The following C1QTNF3 variants were observed in gnomAD, a reference collection of about 807,000 sequenced individuals.
C1QTNF3 encodes the protein complement C1q tumor necrosis factor-related protein 3.
A neutral mutation model predicts 32.6 loss-of-function variants in C1QTNF3; 26 were observed. That is an observed-to-expected ratio of 0.80 (90% CI 0.58 to 1.11). The LOEUF is 1.11. Ranked by LOEUF, C1QTNF3 falls within the 50% of genes least tolerant of loss-of-function variation. C1QTNF3 has a pLI of 0.00. For missense variants in C1QTNF3, 362 were observed against 398.2 expected (o/e 0.91, Z 0.77); for synonymous variants, 155 against 146.0 (o/e 1.06, Z -0.44).
At chr5:34,164,303 T>C in the C1QTNF3 span, among the ~76,000 whole-genome samples, 1 of 152,108 alleles carries the variant, frequency 6.6e-6, no homozygotes, top group Admixed American at 6.6e-5. Flanking sequence ...ACGAGATATT[T>C]TGCACTCGAA....
At chr5:34,096,331 CTG>C in the C1QTNF3 span, among the ~76,000 whole-genome samples, 2 of 147,880 alleles carry the variant, frequency 1.4e-5, no homozygotes, top group Non-Finnish European at 3.0e-5. Flanking sequence ...GGGAAGATAG[CTG>C]ATGCTACAAA....
chr5:34,178,104 TAAAAAAA>T, the C1QTNF3 span, among the ~76,000 whole-genome samples: 790 of 76,504 alleles, frequency 0.01, 12 homozygotes, highest in African/African-American at 0.041. Flanking sequence ...TCATCTCTAC[TAAAAAAA>T]AAAAAAAAAA....
the C1QTNF3 span, among the ~76,000 whole-genome samples, chr5:34,226,216 C>T: frequency 6.6e-6 from 1 of 151,898 alleles, no homozygotes; most frequent in Non-Finnish European, 1.5e-5. Context: ...ATTGCTCCTT[C>T]ACCCTACAAA....
the C1QTNF3 span, among the ~76,000 whole-genome samples, chr5:34,137,612 C>T: frequency 6.6e-6 from 1 of 152,184 alleles, no homozygotes; most frequent in African/African-American, 2.4e-5. Context: ...AAATGATTTT[C>T]TAAGTCTTTG....
the C1QTNF3 span, among the ~76,000 whole-genome samples, chr5:34,170,444 T>C: frequency 5.3e-5 from 8 of 152,256 alleles, no homozygotes; most frequent in African/African-American, 1.2e-4. Context: ...ACCACACACA[T>C]ACACACATAA....
the C1QTNF3 span, among the ~76,000 whole-genome samples, chr5:34,174,840 T>G: frequency 6.6e-6 from 1 of 151,738 alleles, no homozygotes; most frequent in Admixed American, 6.6e-5. Flanking sequence ...CCTGGGTTCA[T>G]GCCATTTCCT....
At chr5:34,153,738 G>T in the C1QTNF3 span, among the ~76,000 whole-genome samples, 1 of 105,982 alleles carries the variant, frequency 9.4e-6, no homozygotes, top group Non-Finnish European at 1.9e-5. Context: ...GATAGCATTG[G>T]GAGATATACC....
chr5:34,025,261 A>G lies in C1QTNF3; in HGVS notation c.701-1253T>C, dbSNP rs561563703. On this transcript the variant is annotated intron_variant, in intron 4 of 5. Transcript: ENST00000382065. The stretch of plus-strand genomic sequence containing the variant: ...TTTTTCACATTTTACAAAATTTCCT[A>G]TTAGACACATACACACACATAATTT... Among the ~76,000 whole-genome samples the G allele has an allele frequency of 7.2e-5, 11 of 152,370 alleles. No individual in the cohort carries two copies. In the East Asian group the frequency reaches 1.9e-3, roughly 27 times the overall value.
the C1QTNF3 span, among the ~76,000 whole-genome samples, chr5:34,227,687 G>A: frequency 2.0e-5 from 3 of 151,752 alleles, no homozygotes; most frequent in African/African-American, 4.8e-5. Flanking sequence ...CATTCTACTG[G>A]CAATGGGTTA....
chr5:34,050,228 C>A, the C1QTNF3 span, among the ~76,000 whole-genome samples: 1 of 152,170 alleles, frequency 6.6e-6, no homozygotes, highest in Non-Finnish European at 1.5e-5. Flanking sequence ...GTTCCATAGA[C>A]CTCTCCACCC....
At position 34,036,013 on chromosome 5, in the gene C1QTNF3, T is replaced by C. The variant is rs1441619485; in HGVS notation, c.304-255A>G. On this transcript the variant is annotated intron_variant, in intron 1 of 5. Transcript: ENST00000382065. ...TCTTTGAAAAGCGTGTGGGTGGGGG[T>C]GGGAAGTTGGGTCCTATTTCTGGAA... Among the ~76,000 whole-genome samples the C allele has an allele frequency of 3.1e-5, 4 of 128,752 alleles. No individual in the cohort carries two copies. The East Asian group carries it at 9.5e-4, about 31-fold the overall frequency. 84.5% of individuals were successfully genotyped at this position (128,752 alleles called of 152,430 possible). A position where few individuals can be genotyped will look rare whatever the true frequency, so the allele number is the denominator to read the frequency against.
At chr5:34,089,409 C>A in the C1QTNF3 span, among the ~76,000 whole-genome samples, 4 of 151,996 alleles carry the variant, frequency 2.6e-5, no homozygotes, top group Admixed American at 2.6e-4. Context: ...GTGATTAGGT[C>A]ATGGGGGCAT....
At chr5:34,160,214 T>G in the C1QTNF3 span, among the ~76,000 whole-genome samples, 1 of 152,116 alleles carries the variant, frequency 6.6e-6, no homozygotes, top group Admixed American at 6.6e-5. Flanking sequence ...ATTTGCAAAG[T>G]TGCATTAAGT....
At chr5:34,165,624 TGAA>T in the C1QTNF3 span, 1 of 152,082 alleles carries the variant, frequency 6.6e-6, no homozygotes, top group Non-Finnish European at 1.5e-5. Context: ...TATTTTTAAA[TGAA>T]GAAGTCTTTT....
At chr5:34,211,851 G>A in the C1QTNF3 span, among the ~76,000 whole-genome samples, 7 of 152,112 alleles carry the variant, frequency 4.6e-5, no homozygotes, top group African/African-American at 1.7e-4. Context: ...TAGATTAAAT[G>A]CCATCCCCAT....
intron 1 of C1QTNF3, among the ~76,000 whole-genome samples, chr5:34,036,316 G>A (rs899819296): frequency 1.1e-4 from 17 of 152,188 alleles, no homozygotes; most frequent in South Asian, 8.3e-4. Context: ...CTTAGAAAAC[G>A]AAGGAAATAA....
chr5:34,115,318 CA>C, the C1QTNF3 span, among the ~76,000 whole-genome samples: 5 of 152,066 alleles, frequency 3.3e-5, no homozygotes, highest in African/African-American at 1.2e-4. Flanking sequence ...ATTCATTTAA[CA>C]AATGTCTGCT....
At chr5:34,042,784 A>C in intron 1 of C1QTNF3, 39 bp downstream of exon 1, 1 of 1,565,508 alleles carries the variant, frequency 6.4e-7, no homozygotes, top group Middle Eastern at 1.9e-4. Flanking sequence ...AACACTCATT[A>C]AGCTTTCACA....
chr5:34,221,639 T>C, the C1QTNF3 span, among the ~76,000 whole-genome samples: 2 of 152,064 alleles, frequency 1.3e-5, no homozygotes, highest in Non-Finnish European at 2.9e-5. Flanking sequence ...AAGAGAAAAC[T>C]GTGGTGTTTA....
Sources: gnomAD v4.1 joint callset for allele counts (sites outside exome capture counted in the v4.1 genomes callset) on GRCh38, gnomAD v4.1.1 for gene constraint, MANE v1.5 for transcripts, NCBI Gene and HGNC (gene_info 2026-07-23, HGNC 2026-07-21) for gene names.